The following ANGPTL2 variants were observed in gnomAD, a reference collection of about 807,000 sequenced individuals.
ANGPTL2 encodes the protein angiopoietin like 2, also known as angiopoietin-related protein 2.
Under a neutral mutation model 52.8 loss-of-function variants are expected in ANGPTL2, and 25 were observed. The observed-to-expected ratio is 0.47, with a 90% CI of 0.35 to 0.66. The LOEUF (loss-of-function observed/expected upper bound fraction) is 0.66, where lower values mean the gene tolerates loss of function less well. Ranked by LOEUF, ANGPTL2 falls within the 30% of genes least tolerant of loss-of-function variation. The probability of loss-of-function intolerance (pLI) is 0.01; values close to 1 mark genes in which losing one functional copy is unlikely to be tolerated. For synonymous variants in ANGPTL2, 276 were observed against 277.4 expected (o/e 1.00, Z 0.05); for missense variants, 546 against 656.9 (o/e 0.83, Z 1.84).
At chr9:127,116,552 T>A (rs993514249) in intron 1 of ANGPTL2, among the ~76,000 whole-genome samples, 20 of 152,176 alleles carry the variant, frequency 1.3e-4, no homozygotes, top group Non-Finnish European at 2.1e-4. Flanking sequence ...TTTCCGGCAG[T>A]GCCTAGTGTG....
chr9:127,095,326 A>T (rs900012912), intron 2 of ANGPTL2, among the ~76,000 whole-genome samples: 5 of 152,180 alleles, frequency 3.3e-5, no homozygotes, highest in Admixed American at 6.5e-5. Context: ...TGAATCCAGG[A>T]GGTGGAGGTT....
intron 2 of ANGPTL2, among the ~76,000 whole-genome samples, chr9:127,096,848 A>G (rs2053193355): frequency 6.6e-6 from 1 of 152,174 alleles, no homozygotes; most frequent in Non-Finnish European, 1.5e-5. Context: ...TGTACTGAGC[A>G]TTTCCTATGG....
At chr9:127,119,608 T>C (rs2055831077) in intron 1 of ANGPTL2, among the ~76,000 whole-genome samples, 1 of 152,184 alleles carries the variant, frequency 6.6e-6, no homozygotes, top group Non-Finnish European at 1.5e-5. Flanking sequence ...GTGGTGAGGA[T>C]GAAATGACAT....
intron 2 of ANGPTL2, among the ~76,000 whole-genome samples, chr9:127,097,248 T>C (rs984199265): frequency 2.0e-5 from 3 of 152,262 alleles, no homozygotes; most frequent in Non-Finnish European, 2.9e-5. Flanking sequence ...GTGTCTGTTA[T>C]GATGTAGAAG....
intron 2 of ANGPTL2, among the ~76,000 whole-genome samples, chr9:127,100,703 C>A (rs967974548): frequency 2.0e-5 from 3 of 152,134 alleles, no homozygotes; most frequent in African/African-American, 4.8e-5. Context: ...GTGGTGCTGT[C>A]CTGCAGGCAC....
chr9:127,119,149 G>A (rs1425952291), intron 1 of ANGPTL2, among the ~76,000 whole-genome samples: 1 of 152,216 alleles, frequency 6.6e-6, no homozygotes, highest in South Asian at 2.1e-4. Flanking sequence ...AGCCAACCTG[G>A]TTTCGAAGCT....
At chr9:127,120,793 A>G (rs559636786) in intron 1 of ANGPTL2, among the ~76,000 whole-genome samples, 201 of 150,660 alleles carry the variant, frequency 1.3e-3, no homozygotes, top group South Asian at 4.4e-3. Context: ...ATGCCACTGC[A>G]CTCCAGCCTG....
intron 2 of ANGPTL2, among the ~76,000 whole-genome samples, chr9:127,094,734 C>T (rs1259507800): frequency 1.3e-5 from 2 of 152,198 alleles, no homozygotes; most frequent in Non-Finnish European, 2.9e-5. Context: ...CTTGCAGGCT[C>T]ATAAACTTAA....
rs2052422366 is a variant in ANGPTL2, at chr9:127,091,184, A to G, written c.1282+486T>C. On this transcript the variant is annotated intron_variant, in intron 4 of 4. Transcript: ENST00000373425. The surrounding 1 kb of genome is among the most constrained non-coding windows in gnomAD (Gnocchi z 4.3). ...TACCCTTCTCCCTACTCTGCAATGT[A>G]GTTCTTGTCCTTACTTCCAGATGCA... Among the ~76,000 whole-genome samples, 1 of 152,240 alleles carries G rather than the reference A, an allele frequency of 6.6e-6. No homozygotes were observed.
chr9:127,103,154 CAT>C (rs2136915197), intron 2 of ANGPTL2, among the ~76,000 whole-genome samples: 1 of 152,388 alleles, frequency 6.6e-6, no homozygotes, highest in Admixed American at 6.5e-5. Flanking sequence ...GCTACAACAT[CAT>C]ATATTTCTCT....
chr9:127,115,855 G>A (rs2055355534), intron 1 of ANGPTL2, among the ~76,000 whole-genome samples: 1 of 152,220 alleles, frequency 6.6e-6, no homozygotes, highest in East Asian at 1.9e-4. Flanking sequence ...GGAGAACCTG[G>A]TGAAAGGACT....
At position 127,088,598 on chromosome 9, in the gene ANGPTL2, C is replaced by G; in HGVS notation, c.*341G>C. The G allele has an allele frequency of 2.9e-6, 1 of 340,572 alleles. No homozygotes were observed. The highest frequency in any genetic ancestry group is 3.4e-5 in the South Asian group (1 of 29,344). 21.1% of individuals were successfully genotyped at this position (340,572 alleles called of 1,614,324 possible). On this transcript the variant is annotated 3_prime_UTR_variant, in exon 5 of 5. Transcript: ENST00000373425. ...TGCATATATATGTGGTATACACATA[C>G]GTGCACAAGGGAGGCTCATACACAT... is the stretch of plus-strand genomic sequence containing the variant.
At chr9:127,115,409 G>T (rs1394661931) in intron 1 of ANGPTL2, among the ~76,000 whole-genome samples, 1 of 152,138 alleles carries the variant, frequency 6.6e-6, no homozygotes, top group Admixed American at 6.5e-5. Context: ...GCGGTCTTAT[G>T]TAGTTATTAA....
In ANGPTL2 at chr9:127,113,805, G is replaced by A. The variant is rs140579632; in HGVS notation, c.-49-5025C>T. On this transcript the variant is annotated intron_variant, in intron 1 of 4. Transcript: ENST00000373425. ...AGGGCTTGGGTCCCACCCAGTCTCC[G>A]GTGGGCTGCCTCTGAATGTCCCCGC... Among the ~76,000 whole-genome samples the A allele has an allele frequency of 5.0e-3, 764 of 152,302 alleles. 4 individuals carry two copies. The highest frequency in any genetic ancestry group is 0.016 in the African/African-American group (675 of 41,570).
Position 127,109,328 on chromosome 9 carries a change from C to G in ANGPTL2, c.-49-548G>C, listed in dbSNP as rs59686638. Among the ~76,000 whole-genome samples, 159 of 152,348 alleles carry G rather than the reference C, an allele frequency of 1.0e-3. 1 individual carries two copies. Among genetic ancestry groups the G allele is most frequent in the African/African-American group, 3.7e-3 (155 of 41,582 alleles). On this transcript the variant is annotated intron_variant, in intron 1 of 4. Transcript: ENST00000373425. ...ATGAGGGCATGTCGTCTGTCTGATT[C>G]AACCCTGTATTCCCAGGATATTGCA...
In ANGPTL2 at chr9:127,088,733, T is replaced by C. The variant is rs2052072617; in HGVS notation, c.*206A>G. The C allele has an allele frequency of 1.6e-6, 1 of 613,980 alleles. No homozygotes were observed. The allele number at this position is 613,980 out of a possible 1,614,324, so 38.0% of individuals were successfully genotyped here. A position where few individuals can be genotyped will look rare whatever the true frequency, so the allele number is the denominator to read the frequency against. The stretch of plus-strand genomic sequence containing the variant: ...TGTCCTGGAGACATGAGGGGCTGTC[T>C]GGTGTGAAGGAAAGTAGGAGGGACA... On this transcript the variant is annotated 3_prime_UTR_variant, in exon 5 of 5. Coordinates refer to ENST00000373425, the MANE Select transcript of ANGPTL2 (RefSeq NM_012098.3).
chr9:127,090,778 G>C (rs550191471), intron 4 of ANGPTL2, among the ~76,000 whole-genome samples: 2 of 152,348 alleles, frequency 1.3e-5, no homozygotes, highest in Non-Finnish European at 2.9e-5. Flanking sequence ...TCGGCCGTCA[G>C]GTGGTGCCAG....
intron 1 of ANGPTL2, among the ~76,000 whole-genome samples, chr9:127,118,091 T>G (rs943242420): frequency 6.6e-6 from 1 of 152,190 alleles, no homozygotes; most frequent in Admixed American, 6.5e-5. Context: ...AGTCTTGCTC[T>G]ATCACCAGAC....
In ANGPTL2 at chr9:127,110,714, C is replaced by A. The variant is rs187832416; in HGVS notation, c.-49-1934G>T. ...AAATGTCCACTCTGGTTGCTCAGGC[C>A]GAAAGTCTTGAAGTCATCCTAGACG... On this transcript the variant is annotated intron_variant, in intron 1 of 4. Coordinates refer to ENST00000373425, the MANE Select transcript of ANGPTL2 (RefSeq NM_012098.3). 6.4e-4 allele frequency among the ~76,000 whole-genome samples: 97 copies of A among 152,274 alleles called. 4 individuals are homozygous for A. The highest frequency in any genetic ancestry group is 5.9e-3 in the Admixed American group (90 of 15,306).
Sources: allele counts gnomAD v4.1 joint callset (sites outside exome capture counted in the v4.1 genomes callset), GRCh38; gene constraint gnomAD v4.1.1; non-coding constraint Gnocchi (gnomAD v3.1); transcripts MANE v1.5; gene names NCBI Gene and HGNC (gene_info 2026-07-23, HGNC 2026-07-21).